Variants in ZNF469 observed in about 807,000 individuals in gnomAD.
ZNF469 encodes the protein zinc finger protein 469.
In ZNF469, 1 loss-of-function variant was observed where a neutral mutation model predicts 1.0. The ratio of observed to expected loss-of-function variants is 1.00; its 90% confidence interval spans 0.35 to 4.73. The LOEUF (loss-of-function observed/expected upper bound fraction) is 4.73. ZNF469 is among the 30% of genes most tolerant of loss of function. The probability of loss-of-function intolerance (pLI) is 0.16; values close to 1 mark genes in which losing one functional copy is unlikely to be tolerated. For synonymous variants in ZNF469, 2,703 were observed against 2,363.4 expected, an observed-to-expected ratio of 1.14 and a Z score of -4.17; for missense variants, 6,100 against 5,356.3, an observed-to-expected ratio of 1.14 and a Z score of -4.33.
the ZNF469 span, among the ~76,000 whole-genome samples, chr16:88,326,680 TG>T: frequency 6.6e-6 from 1 of 151,920 alleles, no homozygotes. Flanking sequence ...GGGTTTGGGG[TG>T]TTTGCTTTAA....
In ZNF469 at chr16:88,432,069, A is replaced by C. The variant is rs142246629; in HGVS notation, c.4599A>C (p.Thr1533=). Residue 1533 remains threonine, a synonymous_variant, in exon 3 of 3, where the codon ACA becomes ACC. Coordinates refer to ENST00000565624, the MANE Select transcript of ZNF469 (RefSeq NM_001367624.2). The part of the protein sequence containing the change: ...VLSKTCPPER[T]VVPGAAPSLP... ...GTAAGACGTGTCCCCCTGAACGGAC[A>C]GTGGTTCCCGGCGCCGCCCCATCTT... 5.9e-4 allele frequency: 922 copies of C among 1,550,494 alleles called. 6 individuals carry two copies. The East Asian group carries it at 9.0e-3, about 15-fold the overall frequency.
At chr16:88,313,652 G>C in the ZNF469 span, among the ~76,000 whole-genome samples, 1 of 152,142 alleles carries the variant, frequency 6.6e-6, no homozygotes, top group Non-Finnish European at 1.5e-5. Context: ...TGATAATGCT[G>C]GTGTGGACTC....
At chr16:88,271,163 G>A in the ZNF469 span, among the ~76,000 whole-genome samples, 3 of 151,888 alleles carry the variant, frequency 2.0e-5, no homozygotes, top group South Asian at 6.2e-4. Context: ...ATTCTGCACA[G>A]AATGCTCGAG....
chr16:88,179,710 A>C, the ZNF469 span, among the ~76,000 whole-genome samples: 2 of 152,348 alleles, frequency 1.3e-5, no homozygotes, highest in East Asian at 1.9e-4. Flanking sequence ...CTGGAACTGC[A>C]TGCTTCAAAT....
the ZNF469 span, among the ~76,000 whole-genome samples, chr16:88,265,312 G>A: frequency 8.9e-3 from 1,359 of 152,232 alleles, 22 homozygotes; most frequent in African/African-American, 0.031. Context: ...GGAGGCCAGG[G>A]GCCTTCCTGG....
At chr16:88,103,960 C>T in the ZNF469 span, among the ~76,000 whole-genome samples, 47 of 152,192 alleles carry the variant, frequency 3.1e-4, no homozygotes, top group East Asian at 8.9e-3. Context: ...TCACTGCATT[C>T]GTCACTCTTA....
At chr16:88,148,737 A>C in the ZNF469 span, among the ~76,000 whole-genome samples, 4 of 152,098 alleles carry the variant, frequency 2.6e-5, no homozygotes, top group Non-Finnish European at 5.9e-5. Context: ...GGTGGCGGTG[A>C]GGCTGTCATC....
chr16:88,151,831 G>T, the ZNF469 span, among the ~76,000 whole-genome samples: 5 of 152,316 alleles, frequency 3.3e-5, no homozygotes, highest in South Asian at 2.1e-4. This position sits in a 1 kb window ranked among gnomAD's most constrained non-coding sequence, Gnocchi z 5.4. Flanking sequence ...AATTTTTAAG[G>T]CACCTTAGTA....
the ZNF469 span, among the ~76,000 whole-genome samples, chr16:88,122,081 C>T: frequency 0.025 from 3,595 of 144,862 alleles, 174 homozygotes; most frequent in African/African-American, 0.085. Flanking sequence ...TCACTTGCTG[C>T]GGCCTCGGCA....
At chr16:88,229,897 AGGGGCACGGGGCCAGTGGCTCTCCC>A in the ZNF469 span, among the ~76,000 whole-genome samples, 7 of 151,984 alleles carry the variant, frequency 4.6e-5, no homozygotes, top group South Asian at 1.5e-3. Flanking sequence ...TGGCTCTCCC[AGGGGCACGGGGCCAGTGGCTCTCCC>A]GGGGGCGCGC....
the ZNF469 span, among the ~76,000 whole-genome samples, chr16:88,246,832 GTGAA>G: frequency 2.0e-5 from 3 of 151,812 alleles, no homozygotes; most frequent in Non-Finnish European, 2.9e-5. Flanking sequence ...GAATGAGTGA[GTGAA>G]TGGTGAATGA....
chr16:88,381,089 C>G (rs535331952), upstream of ZNF469, among the ~76,000 whole-genome samples: 14 of 147,876 alleles, frequency 9.5e-5, no homozygotes, highest in Non-Finnish European at 2.1e-4. Context: ...CACACACGCA[C>G]TCACACACCC....
the ZNF469 span, among the ~76,000 whole-genome samples, chr16:88,344,836 A>G: frequency 6.6e-6 from 1 of 152,186 alleles, no homozygotes; most frequent in African/African-American, 2.4e-5. Flanking sequence ...CTCCTCCCCA[A>G]ACCACCACAT....
the ZNF469 span, among the ~76,000 whole-genome samples, chr16:88,235,129 CT>C: frequency 6.6e-6 from 1 of 152,166 alleles, no homozygotes; most frequent in Non-Finnish European, 1.5e-5. Context: ...ATTCTTGAGA[CT>C]GGTTGACAAG....
the ZNF469 span, among the ~76,000 whole-genome samples, chr16:88,163,961 C>T: frequency 5.3e-4 from 66 of 124,898 alleles, 1 homozygote; most frequent in African/African-American, 1.8e-3. Context: ...GCTGGATGAG[C>T]GGGGTAAGTG....
the ZNF469 span, among the ~76,000 whole-genome samples, chr16:88,363,833 G>A: frequency 1.4e-4 from 22 of 152,238 alleles, 1 homozygote; most frequent in South Asian, 3.1e-3. Flanking sequence ...CCTCTGAGTC[G>A]TTGTTTTCTG....
intron 1 of ZNF469, among the ~76,000 whole-genome samples, chr16:88,417,695 T>G (rs182260683): frequency 6.6e-6 from 1 of 152,188 alleles, no homozygotes; most frequent in African/African-American, 2.4e-5. Flanking sequence ...CGGTACAGCA[T>G]TGACATTTAG....
chr16:88,340,290 G>A, the ZNF469 span, among the ~76,000 whole-genome samples: 5 of 152,168 alleles, frequency 3.3e-5, no homozygotes, highest in East Asian at 3.9e-4. Context: ...TGTACCAAAC[G>A]AGGTGTTGTC....
the ZNF469 span, among the ~76,000 whole-genome samples, chr16:88,120,793 T>C: frequency 6.6e-5 from 10 of 152,088 alleles, no homozygotes; most frequent in Admixed American, 5.2e-4. Flanking sequence ...CGACGGCGTC[T>C]CGTATGAATC....
Sources: allele counts gnomAD v4.1 joint callset (sites outside exome capture counted in the v4.1 genomes callset), GRCh38; gene constraint gnomAD v4.1.1; non-coding constraint Gnocchi (gnomAD v3.1); transcripts MANE v1.5; gene names NCBI Gene and HGNC (gene_info 2026-07-23, HGNC 2026-07-21).